CDCA2: variants seen among roughly 807,000 people sequenced by gnomAD.
CDCA2 encodes cell division cycle-associated protein 2.
CDCA2 carries 44 observed loss-of-function variants against 67.0 expected under a neutral mutation model. The observed-to-expected ratio is 0.66, with a 90% confidence interval of 0.52 to 0.84. CDCA2 has a LOEUF of 0.84. CDCA2 is among the 40% of genes least tolerant of loss of function. The pLI is 0.00. For missense variants in CDCA2, 1,253 were observed against 1,203.2 expected, an observed-to-expected ratio of 1.04 and a Z score of -0.61; for synonymous variants, 447 against 418.7, an observed-to-expected ratio of 1.07 and a Z score of -0.82.
intron 7 of CDCA2, among the ~76,000 whole-genome samples, chr8:25,473,265 G>A (rs1803229053): frequency 6.6e-6 from 1 of 152,140 alleles, no homozygotes; most frequent in Admixed American, 6.5e-5. Flanking sequence ...ATTAATGGAT[G>A]CTTTTTCATT....
chr8:25,496,081 C>G (rs1804211667), intron 13 of CDCA2, among the ~76,000 whole-genome samples: 1 of 152,100 alleles, frequency 6.6e-6, no homozygotes, highest in African/African-American at 2.4e-5. Context: ...TGGCTGCTTT[C>G]AGATTTACAA....
chr8:25,482,124 G>A (rs1018392483), intron 8 of CDCA2, among the ~76,000 whole-genome samples: 31 of 152,292 alleles, frequency 2.0e-4, no homozygotes, highest in African/African-American at 6.7e-4. Context: ...GTTTAGACTC[G>A]TTCTGTCTTT....
chr8:25,494,231 T>G (rs184769729), intron 13 of CDCA2, among the ~76,000 whole-genome samples: 134 of 152,142 alleles, frequency 8.8e-4, no homozygotes, highest in Non-Finnish European at 1.5e-3. Context: ...AGGCTGATAT[T>G]GGAGGATTGC....
At chr8:25,505,818 G>T (rs146946670) in intron 14 of CDCA2, among the ~76,000 whole-genome samples, 2 of 152,150 alleles carry the variant, frequency 1.3e-5, no homozygotes, top group Admixed American at 1.3e-4. Flanking sequence ...AACTCATGTG[G>T]GCTGTGTTAC....
Position 25,507,397 on chromosome 8 carries a change from C to G in CDCA2, c.2731C>G (p.Pro911Ala). 1 of 1,613,770 alleles carries G rather than the reference C, an allele frequency of 6.2e-7. No individual in the cohort carries two copies. Among genetic ancestry groups the G allele is most frequent in the Non-Finnish European group, 8.5e-7 (1 of 1,179,896 alleles). The change falls in exon 15 of 15, where the codon CCA becomes GCA. Residue 911 changes from proline to alanine, a missense_variant. Pro to Ala is a conservative substitution (Grantham distance 27, BLOSUM62 -1). Coordinates refer to ENST00000330560, the MANE Select transcript of CDCA2 (RefSeq NM_152562.4). ...ENEGLVWISL[P>A]LPSTSQKAKR... Reference sequence around the variant, plus strand: ...CGAAGGTCTTGTATGGATTTCACTTCCACTTCCTTCCACTTCCCAAAAAGC... The same window carrying G: ...CGAAGGTCTTGTATGGATTTCACTTGCACTTCCTTCCACTTCCCAAAAAGC...
rs369164430 is a variant in CDCA2, at chr8:25,506,649, T to C, written c.1983T>C (p.Ser661=). The change falls in exon 15 of 15, where the codon TCT becomes TCC. Residue 661 remains serine, a synonymous_variant. Coordinates refer to ENST00000330560, the MANE Select transcript of CDCA2 (RefSeq NM_152562.4). The part of the protein sequence containing the change: ...YDKYDVSEFC[S]YIKSSSSLGN... ...AATATGATGTCTCTGAATTCTGCTCTTATATAAAAAGTTCCTCATCGCTTG... is the reference window on the plus strand; with the variant it reads ...AATATGATGTCTCTGAATTCTGCTCCTATATAAAAAGTTCCTCATCGCTTG... 2.1e-5 allele frequency: 34 copies of C among 1,613,470 alleles called. No individual in the cohort carries two copies. The African/African-American group carries it at 3.3e-4, about 16-fold the overall frequency.
chr8:25,473,760 C>G (rs1390297360), intron 7 of CDCA2, among the ~76,000 whole-genome samples: 2 of 152,160 alleles, frequency 1.3e-5, no homozygotes, highest in African/African-American at 4.8e-5. Flanking sequence ...ATTTCTGATA[C>G]ATATTTTTTT....
At chr8:25,460,209 T>A in intron 1 of CDCA2, 31 bp from the exon 2 acceptor site, 1 of 1,609,628 alleles carries the variant, frequency 6.2e-7, no homozygotes, top group Non-Finnish European at 8.5e-7. Context: ...GCTGGTGGGG[T>A]TATTTTTCAT....
intron 7 of CDCA2, among the ~76,000 whole-genome samples, chr8:25,474,687 G>T (rs1263145373): frequency 6.6e-6 from 1 of 152,164 alleles, no homozygotes; most frequent in Non-Finnish European, 1.5e-5. Flanking sequence ...CTGCTCTCTG[G>T]GTTCTGTGAT....
In CDCA2 at chr8:25,466,130, T is replaced by G. The variant is rs753084602; in HGVS notation, c.388-45T>G. On this transcript the variant is annotated intron_variant, in intron 4 of 14. Coordinates refer to ENST00000330560, the MANE Select transcript of CDCA2 (RefSeq NM_152562.4). ...GGCTGTAGGCCTAGAATATAGAAAG[T>G]ATGAATTGATTATAATACTCCTTGT... 2.6e-6 allele frequency: 4 copies of G among 1,546,804 alleles called. No homozygotes were observed. The South Asian group carries it at 5.0e-5, about 19-fold the overall frequency.
At chr8:25,503,686 T>C in intron 14 of CDCA2, 142 bp downstream of exon 14, 4 of 729,574 alleles carry the variant, frequency 5.5e-6, no homozygotes, top group Non-Finnish European at 8.7e-6. Flanking sequence ...CACATTACCA[T>C]GAGGATTTCA....
In CDCA2 at chr8:25,506,654, T is replaced by C. The variant is rs769759383; in HGVS notation, c.1988T>C (p.Ile663Thr). 1.2e-6 allele frequency: 2 copies of C among 1,613,556 alleles called. No homozygotes were observed. Among genetic ancestry groups the C allele is most frequent in the East Asian group, 4.5e-5 (2 of 44,868 alleles). ...GATGTCTCTGAATTCTGCTCTTATA[T>C]AAAAAGTTCCTCATCGCTTGGCAAT... ...KYDVSEFCSY[I>T]KSSSSLGNAT... The change falls in exon 15 of 15, where the codon ATA (isoleucine) becomes ACA (threonine). Residue 663 changes from isoleucine to threonine, a missense_variant. Transcript: ENST00000330560.
chr8:25,490,809 C>T (rs1166784789), intron 13 of CDCA2, among the ~76,000 whole-genome samples: 1 of 152,146 alleles, frequency 6.6e-6, no homozygotes, highest in African/African-American at 2.4e-5. Context: ...AGTTGACCCT[C>T]CAGTATTCTG....
At chr8:25,501,181 A>T (rs1804460448) in intron 13 of CDCA2, among the ~76,000 whole-genome samples, 1 of 152,216 alleles carries the variant, frequency 6.6e-6, no homozygotes, top group African/African-American at 2.4e-5. Context: ...ATAGAATTTC[A>T]TGTTAAATGT....
intron 1 of CDCA2, among the ~76,000 whole-genome samples, chr8:25,460,027 G>A (rs1379682224): frequency 6.6e-6 from 1 of 152,016 alleles, no homozygotes; most frequent in Non-Finnish European, 1.5e-5. Flanking sequence ...TGATTATTAC[G>A]AATTGCATGC....
At chr8:25,495,808 A>G (rs1405942707) in intron 13 of CDCA2, among the ~76,000 whole-genome samples, 1 of 152,238 alleles carries the variant, frequency 6.6e-6, no homozygotes, top group Non-Finnish European at 1.5e-5. Context: ...TGAATTTAGA[A>G]TAAAGCAAAT....
At chr8:25,466,126 A>G in intron 4 of CDCA2, 49 bp from the exon 5 acceptor site, 1 of 1,534,766 alleles carries the variant, frequency 6.5e-7, no homozygotes, top group Non-Finnish European at 8.8e-7. Flanking sequence ...TAGAATATAG[A>G]AAGTATGAAT....
Position 25,507,783 on chromosome 8 carries a change from C to CT in CDCA2, c.*46dup. On this transcript the variant is annotated 3_prime_UTR_variant, in exon 15 of 15. Transcript: ENST00000330560. The stretch of plus-strand genomic sequence containing the variant: ...CTGTGGCAAGAGGGAAAGTAACCAT[C>CT]TATGCTGAAATGATCTGTCTAGTTC... 6.4e-7 allele frequency: 1 copy of CT among 1,560,326 alleles called. No individual in the cohort carries two copies. The highest frequency in any genetic ancestry group is 8.6e-7 in the Non-Finnish European group (1 of 1,158,750).
chr8:25,493,111 C>G (rs1804077371), intron 13 of CDCA2, among the ~76,000 whole-genome samples: 1 of 152,078 alleles, frequency 6.6e-6, no homozygotes, highest in Admixed American at 6.5e-5. Flanking sequence ...TCATTATCAT[C>G]ATTATCATGA....
Sources: gnomAD v4.1 joint callset for allele counts (sites outside exome capture counted in the v4.1 genomes callset) on GRCh38, gnomAD v4.1.1 for gene constraint, MANE v1.5 for transcripts, NCBI Gene and HGNC (gene_info 2026-07-23, HGNC 2026-07-21) for gene names.